PLAGL1: variants seen among roughly 807,000 people sequenced by gnomAD.
PLAGL1 encodes zinc finger protein PLAGL1.
Under a neutral mutation model 4.6 loss-of-function variants are expected in PLAGL1, and 1 was observed. The ratio of observed to expected loss-of-function variants is 0.22; its 90% CI spans 0.08 to 1.03. The LOEUF (loss-of-function observed/expected upper bound fraction) is 1.03, where lower values mean the gene tolerates loss of function less well. PLAGL1 is among the 50% of genes least tolerant of loss of function. PLAGL1 has a pLI of 0.58. For synonymous variants in PLAGL1, 240 were observed against 237.8 expected (o/e 1.01, Z -0.08); for missense variants, 464 against 570.4 (o/e 0.81, Z 1.90).
At chr6:143,980,216 T>C (rs1787606492) in intron 2 of PLAGL1, among the ~76,000 whole-genome samples, 1 of 152,118 alleles carries the variant, frequency 6.6e-6, no homozygotes, top group African/African-American at 2.4e-5. Context: ...GCTTGCTTGA[T>C]ATTTATTTAA....
chr6:144,034,035 A>G lies in PLAGL1; in HGVS notation c.-151+30433T>C, dbSNP rs1390567470. Among the ~76,000 whole-genome samples, 3 of 152,248 alleles carry G rather than the reference A, an allele frequency of 2.0e-5. No homozygotes were observed. Among genetic ancestry groups the G allele is most frequent in the African/African-American group, 7.2e-5 (3 of 41,466 alleles). ...TCAAAAACACATGGATGCTTTTACT[A>G]CACTACAGACATGGTCTCCATGTAG... On this transcript the variant is annotated intron_variant, in intron 1 of 3. Transcript: ENST00000437412. The surrounding 1 kb of genome is among the most constrained non-coding windows in gnomAD (Gnocchi z 4.7).
intron 2 of PLAGL1, among the ~76,000 whole-genome samples, chr6:143,977,837 G>A (rs1237356607): frequency 3.3e-5 from 5 of 152,070 alleles, no homozygotes; most frequent in Admixed American, 3.3e-4. Context: ...TTTCGTTTGT[G>A]TCACACTGGC....
rs932044260 is a variant in PLAGL1, at chr6:143,965,655, A to C, written c.-431+503T>G. The C allele has an allele frequency of 6.6e-6, 1 of 152,254 alleles. No individual in the cohort carries two copies. Among genetic ancestry groups the C allele is most frequent in the Non-Finnish European group, 1.5e-5 (1 of 68,090 alleles). The allele number at this position is 152,254 out of a possible 1,614,324, so 9.4% of individuals were successfully genotyped here. A position where few individuals can be genotyped will look rare whatever the true frequency, so the allele number is the denominator to read the frequency against. On this transcript the variant is annotated intron_variant, in intron 4 of 7. Transcript: ENST00000674357. This position sits in a 1 kb window ranked among gnomAD's most constrained non-coding sequence, Gnocchi z 7.5. ...AATTGTACCCAAGAAGATAACTCAC[A>C]AGGCAAGGAACACGGAAGCTAGGGT...
In PLAGL1 at chr6:144,040,485, C is replaced by T. The variant is rs182332335; in HGVS notation, c.-151+23983G>A. ...CAGAGGTTGTGGTGAGCCAAGATCA[C>T]ACCACTACACTCTAGCCTGGGTGAC... On this transcript the variant is annotated intron_variant, in intron 1 of 3. Coordinates refer to the PLAGL1 transcript ENST00000437412. Among the ~76,000 whole-genome samples the T allele has an allele frequency of 4.1e-3, 625 of 152,090 alleles. 2 individuals carry two copies. Among genetic ancestry groups the T allele is most frequent in the Non-Finnish European group, 6.9e-3 (467 of 67,982 alleles).
Position 143,949,605 on chromosome 6 carries a change from G to T in PLAGL1, c.-324-1145C>A, listed in dbSNP as rs1309492243. Among the ~76,000 whole-genome samples the T allele has an allele frequency of 1.3e-5, 2 of 152,202 alleles. No homozygotes were observed. Among genetic ancestry groups the T allele is most frequent in the Admixed American group, 6.5e-5 (1 of 15,288 alleles). On this transcript the variant is annotated intron_variant, in intron 6 of 7. Coordinates refer to ENST00000674357, the MANE Select transcript of PLAGL1 (RefSeq NM_001317162.2). This position sits in a 1 kb window ranked among gnomAD's most constrained non-coding sequence, Gnocchi z 5.3. The stretch of plus-strand genomic sequence containing the variant: ...CTACCACCCTGTGCTATTCTAGAGA[G>T]AGATTTTCAGGTGGGCAAATGCTCA...
At chr6:143,974,903 A>G (rs184924468) in intron 2 of PLAGL1, among the ~76,000 whole-genome samples, 1 of 152,348 alleles carries the variant, frequency 6.6e-6, no homozygotes, top group East Asian at 1.9e-4. Flanking sequence ...GAAAAATACT[A>G]CTGAAAGAAA....
chr6:144,030,738 C>T (rs141478771), intron 1 of PLAGL1, among the ~76,000 whole-genome samples: 3,730 of 152,276 alleles, frequency 0.024, 163 homozygotes, highest in African/African-American at 0.085. Flanking sequence ...GCTTTATCCA[C>T]TTGTTGACTG....
chr6:143,948,241 A>T lies in PLAGL1; in HGVS notation c.-105T>A. 1 of 1,058,528 alleles carries T rather than the reference A, an allele frequency of 9.4e-7. No homozygotes were observed. The highest frequency in any genetic ancestry group is 1.4e-6 in the Non-Finnish European group (1 of 709,142). The allele number at this position is 1,058,528 out of a possible 1,614,324, so 65.6% of individuals were successfully genotyped here. A position where few individuals can be genotyped will look rare whatever the true frequency, so the allele number is the denominator to read the frequency against. ...CTGGGCACATCAGCAGAGTCCCTGC[A>T]GCTGAACTCCAGACCACGGGAGAGG... On this transcript the variant is annotated 5_prime_UTR_variant, in exon 7 of 8. Transcript: ENST00000674357. The surrounding 1 kb of genome is among the most constrained non-coding windows in gnomAD (Gnocchi z 6.0).
At position 144,059,393 on chromosome 6, in the gene PLAGL1, G is replaced by A. The variant is rs1179106163; in HGVS notation, c.-151+5075C>T. Among the ~76,000 whole-genome samples the A allele has an allele frequency of 6.6e-6, 1 of 152,216 alleles. No individual in the cohort carries two copies. Among genetic ancestry groups the A allele is most frequent in the Non-Finnish European group, 1.5e-5 (1 of 68,038 alleles). On this transcript the variant is annotated intron_variant, in intron 1 of 3. Coordinates refer to the PLAGL1 transcript ENST00000437412. The surrounding 1 kb of genome is among the most constrained non-coding windows in gnomAD (Gnocchi z 4.9). The stretch of plus-strand genomic sequence containing the variant: ...AATGTGACTCAGACCTACAGGTCTT[G>A]CTAAGGTTCCTCCACCAACTGGGCA...
At chr6:144,028,433 ACT>A (rs1199572701) in intron 1 of PLAGL1, among the ~76,000 whole-genome samples, 4 of 152,138 alleles carry the variant, frequency 2.6e-5, no homozygotes, top group East Asian at 1.9e-4. Context: ...AGGAAAAAAG[ACT>A]CTGTCAAGTG....
At position 143,948,121 on chromosome 6, in the gene PLAGL1, AGG is replaced by A; in HGVS notation, c.14_15del (p.Pro5LeufsTer33). MATF[P>X]CQLCGKTFLT... ...AGGAACGTCTTGCCACATAACTGGCAGGGGAACGTGGCCATGGGCTTTGCTTC... is the reference window on the plus strand; with the variant it reads ...AGGAACGTCTTGCCACATAACTGGCAGGAACGTGGCCATGGGCTTTGCTTC... On this transcript the variant is annotated frameshift_variant, in exon 7 of 8. Transcript: ENST00000674357. LOFTEE classifies it high-confidence loss of function. This position sits in a 1 kb window ranked among gnomAD's most constrained non-coding sequence, Gnocchi z 6.0. 6.2e-7 allele frequency: 1 copy of A among 1,613,702 alleles called. No homozygotes were observed.
chr6:144,021,113 T>C (rs1000319802), intron 1 of PLAGL1, among the ~76,000 whole-genome samples: 9 of 151,872 alleles, frequency 5.9e-5, no homozygotes, highest in Non-Finnish European at 1.2e-4. Flanking sequence ...CACAAAATCA[T>C]TGAGACATGA....
In PLAGL1 at chr6:143,973,492, C is replaced by T. The variant is rs915259192; in HGVS notation, c.-543-4514G>A. Among the ~76,000 whole-genome samples the T allele has an allele frequency of 3.3e-5, 5 of 152,306 alleles. No homozygotes were observed. In the East Asian group the frequency reaches 9.7e-4, roughly 29 times the overall value. On this transcript the variant is annotated intron_variant, in intron 2 of 7. Transcript: ENST00000674357. The surrounding 1 kb of genome is among the most constrained non-coding windows in gnomAD (Gnocchi z 6.2). The stretch of plus-strand genomic sequence containing the variant: ...GAAAACAAGCACGGGGGGAAGTCCT[C>T]TGCTTCTAGGGCCTGCTGAGCTTCA...
Position 144,063,823 on chromosome 6 carries a change from G to A in PLAGL1, c.-151+645C>T, listed in dbSNP as rs754573270. ...GGGCGTGTCCTGCCCGCCCCCATCA[G>A]GGGAGTCCTGCTCTCGAAATTATCC... is the stretch of plus-strand genomic sequence containing the variant. On this transcript the variant is annotated intron_variant, in intron 1 of 3. Transcript: ENST00000437412. This position sits in a 1 kb window ranked among gnomAD's most constrained non-coding sequence, Gnocchi z 5.7. Among the ~76,000 whole-genome samples the A allele has an allele frequency of 2.4e-4, 37 of 152,266 alleles. No homozygotes were observed. The highest frequency in any genetic ancestry group is 5.0e-4 in the Non-Finnish European group (34 of 68,008).
At position 143,941,464 on chromosome 6, in the gene PLAGL1, C is replaced by T; in HGVS notation, c.1352G>A (p.Gly451Asp). The T allele has an allele frequency of 6.6e-7, 1 of 1,506,546 alleles. No individual in the cohort carries two copies. The highest frequency in any genetic ancestry group is 8.9e-7 in the Non-Finnish European group (1 of 1,127,624). The allele number at this position is 1,506,546 out of a possible 1,614,324, so 93.3% of individuals were successfully genotyped here. ...ATGGAAATGAGGCAGGATGGCAGAG[C>T]CAGTGCCAGCTGAGAACACATGAGG... ...PIPHVFSAGT[G>D]SAILPHFHHA... Residue 451 changes from glycine to aspartate, a missense_variant, in exon 8 of 8, where the codon GGC becomes GAC. Physicochemically the swap from Gly to Asp is moderately conservative, Grantham distance 94. Transcript: ENST00000674357. This position sits in a 1 kb window ranked among gnomAD's most constrained non-coding sequence, Gnocchi z 6.0.
At position 143,975,391 on chromosome 6, in the gene PLAGL1, G is replaced by C. The variant is rs1405191894; in HGVS notation, c.-543-6413C>G. Among the ~76,000 whole-genome samples, 1 of 152,054 alleles carries C rather than the reference G, an allele frequency of 6.6e-6. No homozygotes were observed. Among genetic ancestry groups the C allele is most frequent in the Non-Finnish European group, 1.5e-5 (1 of 67,998 alleles). ...AATTAAGCAATTAACAATATTTTTG[G>C]AACCTTAGTTTCCCTATTTGTAAAA... On this transcript the variant is annotated intron_variant, in intron 2 of 7. Transcript: ENST00000674357. This position sits in a 1 kb window ranked among gnomAD's most constrained non-coding sequence, Gnocchi z 5.8.
chr6:143,944,595 C>A (rs2144086), intron 7 of PLAGL1, among the ~76,000 whole-genome samples: 2,511 of 152,094 alleles, frequency 0.017, 69 homozygotes, highest in African/African-American at 0.058. Flanking sequence ...ATCTGAGAAA[C>A]CAGATTGTGC....
Position 144,000,310 on chromosome 6 carries a change from C to T in PLAGL1, c.-584+7780G>A, listed in dbSNP as rs1792579663. Among the ~76,000 whole-genome samples the T allele has an allele frequency of 1.3e-5, 2 of 151,404 alleles. No homozygotes were observed. The highest frequency in any genetic ancestry group is 4.2e-4 in the South Asian group (2 of 4,816). ...ACAAAAGAATAAGAGATTTGAAGAT[C>T]AGAAGGAAAAGAAAAAAATCATTTC... is the stretch of plus-strand genomic sequence containing the variant. On this transcript the variant is annotated intron_variant, in intron 1 of 7. Coordinates refer to ENST00000674357, the MANE Select transcript of PLAGL1 (RefSeq NM_001317162.2). This position sits in a 1 kb window ranked among gnomAD's most constrained non-coding sequence, Gnocchi z 4.1.
In PLAGL1 at chr6:143,989,399, C is replaced by A. The variant is rs764306860; in HGVS notation, c.-583-4225G>T. Among the ~76,000 whole-genome samples, 5 of 152,200 alleles carry A rather than the reference C, an allele frequency of 3.3e-5. No homozygotes were observed. The highest frequency in any genetic ancestry group is 7.3e-5 in the Non-Finnish European group (5 of 68,040). ...TTGTGTTGGTGGAGTTCGGAGCATA[C>A]CACCCTCCCAAATATGGGCTGGCAT... On this transcript the variant is annotated intron_variant, in intron 1 of 7. Transcript: ENST00000674357. The surrounding 1 kb of genome is among the most constrained non-coding windows in gnomAD (Gnocchi z 4.8).
Sources: allele counts gnomAD v4.1 joint callset (sites outside exome capture counted in the v4.1 genomes callset), GRCh38; gene constraint gnomAD v4.1.1; non-coding constraint Gnocchi (gnomAD v3.1); transcripts MANE v1.5; gene names NCBI Gene and HGNC (gene_info 2026-07-23, HGNC 2026-07-21).